RGS6: variants seen among roughly 807,000 people sequenced by gnomAD.
RGS6 encodes the protein regulator of G protein signaling 6.
In RGS6, 30 loss-of-function variants were observed where a neutral mutation model predicts 78.5. The observed-to-expected ratio is 0.38, with a 90% CI of 0.29 to 0.52. The LOEUF is 0.52. Ranked by LOEUF, RGS6 falls within the 20% of genes least tolerant of loss-of-function variation. RGS6 has a pLI of 0.85. For synonymous variants in RGS6, 206 were observed against 206.0 expected (o/e 1.00, Z 0.00); for missense variants, 495 against 609.7 (o/e 0.81, Z 1.98).
intron 2 of RGS6, among the ~76,000 whole-genome samples, chr14:72,115,930 T>A (rs2095875289): frequency 6.6e-6 from 1 of 152,200 alleles, no homozygotes; most frequent in Non-Finnish European, 1.5e-5. Flanking sequence ...CCTTTACCAG[T>A]TTGTCCAGCT....
At chr14:71,991,616 A>G (rs1354929907) in intron 2 of RGS6, among the ~76,000 whole-genome samples, 2 of 152,224 alleles carry the variant, frequency 1.3e-5, no homozygotes, top group South Asian at 2.1e-4. Flanking sequence ...TAAAACATGT[A>G]ACAACCCCCT....
At chr14:72,401,140 C>T (rs1448078986) in intron 3 of RGS6, among the ~76,000 whole-genome samples, 1 of 152,096 alleles carries the variant, frequency 6.6e-6, no homozygotes, top group Non-Finnish European at 1.5e-5. Flanking sequence ...TCTATCTTAT[C>T]TTTACCCCAA....
At chr14:72,075,255 C>A (rs966560940) in intron 2 of RGS6, among the ~76,000 whole-genome samples, 1 of 152,170 alleles carries the variant, frequency 6.6e-6, no homozygotes. Flanking sequence ...CTATGCTACT[C>A]GGCATTTATG....
At chr14:72,586,257 G>A in the RGS6 span, among the ~76,000 whole-genome samples, 89 of 152,184 alleles carry the variant, frequency 5.8e-4, no homozygotes, top group Non-Finnish European at 1.1e-3. Flanking sequence ...GTGGAGGTAC[G>A]GCATGGTGGC....
At chr14:72,531,808 A>G (rs1344709015) in intron 15 of RGS6, among the ~76,000 whole-genome samples, 2 of 152,252 alleles carry the variant, frequency 1.3e-5, no homozygotes, top group Non-Finnish European at 2.9e-5. Flanking sequence ...TAGTGAGAAC[A>G]CTTAAAATCT....
At chr14:72,282,758 TTTTG>T (rs1422014664) in intron 2 of RGS6, among the ~76,000 whole-genome samples, 2 of 152,182 alleles carry the variant, frequency 1.3e-5, no homozygotes, top group Non-Finnish European at 2.9e-5. Flanking sequence ...CCCTTGTTGT[TTTTG>T]TTTGTTTGTG....
intron 2 of RGS6, among the ~76,000 whole-genome samples, chr14:72,000,790 C>T (rs1382665983): frequency 6.6e-6 from 1 of 152,112 alleles, no homozygotes; most frequent in Non-Finnish European, 1.5e-5. Flanking sequence ...TTGGTGACCA[C>T]ATCTCAAGGT....
At chr14:72,415,165 C>T (rs1302461576) in intron 3 of RGS6, among the ~76,000 whole-genome samples, 1 of 152,264 alleles carries the variant, frequency 6.6e-6, no homozygotes, top group East Asian at 1.9e-4. Context: ...AGGCAGGCCT[C>T]CTTGAGCTGT....
intron 2 of RGS6, among the ~76,000 whole-genome samples, chr14:72,298,608 C>T (rs573459882): frequency 1.6e-4 from 24 of 151,806 alleles, no homozygotes; most frequent in Non-Finnish European, 1.9e-4. Context: ...CCATGACATC[C>T]GGCTAATTTT....
the RGS6 span, among the ~76,000 whole-genome samples, chr14:72,609,783 T>C: frequency 6.6e-6 from 1 of 152,032 alleles, no homozygotes; most frequent in Non-Finnish European, 1.5e-5. Context: ...GTGGGCCAAA[T>C]GGAGATATTG....
intron 2 of RGS6, among the ~76,000 whole-genome samples, chr14:72,062,074 GAGAC>G (rs1567126945): frequency 1.3e-5 from 2 of 152,240 alleles, no homozygotes; most frequent in Non-Finnish European, 2.9e-5. Flanking sequence ...GCAGAGAAAT[GAGAC>G]AGACAGTGCA....
At chr14:72,206,598 C>A (rs1252894017) in intron 2 of RGS6, among the ~76,000 whole-genome samples, 1 of 151,922 alleles carries the variant, frequency 6.6e-6, no homozygotes, top group African/African-American at 2.4e-5. Flanking sequence ...ACAGTCATGG[C>A]GGGAGGAAAG....
chr14:72,119,045 C>T (rs918735650), intron 2 of RGS6, among the ~76,000 whole-genome samples: 1 of 151,946 alleles, frequency 6.6e-6, no homozygotes, highest in Non-Finnish European at 1.5e-5. Context: ...TGTAAGGTTT[C>T]CAGGATACGT....
intron 2 of RGS6, among the ~76,000 whole-genome samples, chr14:72,106,889 G>A (rs1287927603): frequency 6.6e-6 from 1 of 152,064 alleles, no homozygotes; most frequent in East Asian, 1.9e-4. Flanking sequence ...TCTTAGTCCT[G>A]TCCTTTTGCT....
chr14:72,105,573 A>G (rs2095616424), intron 2 of RGS6, among the ~76,000 whole-genome samples: 4 of 152,090 alleles, frequency 2.6e-5, no homozygotes, highest in Admixed American at 2.6e-4. Context: ...TTTATTTACT[A>G]CTGCTGCTTT....
intron 2 of RGS6, among the ~76,000 whole-genome samples, chr14:72,106,221 T>A (rs2095629290): frequency 6.6e-6 from 1 of 152,232 alleles, no homozygotes; most frequent in African/African-American, 2.4e-5. Context: ...AATTTAACAT[T>A]GTATTGAGAA....
rs114347112 is a variant in RGS6 at position 72,169,968 on chromosome 14, C to T, written c.85-182127C>T. ...AATATTGCCCTTTGAGATGACAGAG[C>T]CAGTAGATGGAAAGATCTTGGGTCC... On this transcript the variant is annotated intron_variant, in intron 2 of 17. Transcript: ENST00000553525. 5.5e-3 allele frequency among the ~76,000 whole-genome samples: 830 copies of T among 152,266 alleles called. 5 individuals carry two copies. The highest frequency in any genetic ancestry group is 0.018 in the African/African-American group (743 of 41,554).
intron 15 of RGS6, among the ~76,000 whole-genome samples, chr14:72,534,719 G>A (rs1315449794): frequency 6.6e-6 from 1 of 152,052 alleles, no homozygotes; most frequent in Non-Finnish European, 1.5e-5. Flanking sequence ...TTCTGGCCAG[G>A]CATCTCTAAA....
chr14:72,238,659 G>T (rs908785035), intron 2 of RGS6, among the ~76,000 whole-genome samples: 1 of 152,134 alleles, frequency 6.6e-6, no homozygotes, highest in Non-Finnish European at 1.5e-5. Context: ...TGTAGAGGGA[G>T]TTATTGAAAA....
Sources: gnomAD v4.1 joint callset for allele counts (sites outside exome capture counted in the v4.1 genomes callset) on GRCh38, gnomAD v4.1.1 for gene constraint, MANE v1.5 for transcripts, NCBI Gene and HGNC (gene_info 2026-07-23, HGNC 2026-07-21) for gene names.